GPC5: variants seen among roughly 807,000 people sequenced by gnomAD.
The protein encoded by GPC5 is glypican-5.
Under a neutral mutation model 53.9 loss-of-function variants are expected in GPC5, and 47 were observed. The ratio of observed to expected loss-of-function variants is 0.87; its 90% CI spans 0.69 to 1.11. The LOEUF is 1.11. Among genes scored for constraint, GPC5 ranks in the 50% most tolerant of loss-of-function variants. The pLI is 0.00. For missense variants in GPC5, 748 were observed against 713.1 expected (o/e 1.05, Z -0.56); for synonymous variants, 286 against 263.3 (o/e 1.09, Z -0.84).
At chr13:92,302,237 T>A (rs891198249) in intron 7 of GPC5, among the ~76,000 whole-genome samples, 4 of 152,142 alleles carry the variant, frequency 2.6e-5, no homozygotes, top group African/African-American at 9.7e-5. Flanking sequence ...GATTTTTTTT[T>A]CTCTATTATG....
chr13:91,633,763 C>G lies in GPC5; in HGVS notation c.326-59424C>G, dbSNP rs190880245. 9.9e-5 allele frequency among the ~76,000 whole-genome samples: 15 copies of G among 152,216 alleles called. 1 individual carries two copies. The highest frequency in any genetic ancestry group is 3.6e-4 in the African/African-American group (15 of 41,558). On this transcript the variant is annotated intron_variant, in intron 2 of 7. Transcript: ENST00000377067. ...GGCAAAGAATCTTCCTTTCCTTGGGCTACATGTAACCATGAGGAATGAAAT... is the reference window on the plus strand; with the variant it reads ...GGCAAAGAATCTTCCTTTCCTTGGGGTACATGTAACCATGAGGAATGAAAT...
chr13:92,781,959 A>G (rs1326724500), intron 7 of GPC5, among the ~76,000 whole-genome samples: 3 of 152,074 alleles, frequency 2.0e-5, no homozygotes, highest in Non-Finnish European at 2.9e-5. Flanking sequence ...TTCCACACCA[A>G]TTTTCAAGAA....
intron 7 of GPC5, among the ~76,000 whole-genome samples, chr13:92,491,607 A>G (rs1879764059): frequency 6.6e-6 from 1 of 152,140 alleles, no homozygotes; most frequent in South Asian, 2.1e-4. Flanking sequence ...TTATATTCAT[A>G]ATAAAATATA....
intron 7 of GPC5, chr13:92,340,726 T>C (rs1396957050): frequency 6.6e-6 from 1 of 152,152 alleles, no homozygotes; most frequent in South Asian, 2.1e-4. Flanking sequence ...CAAACGATTG[T>C]ATTGATTATA....
intron 7 of GPC5, among the ~76,000 whole-genome samples, chr13:92,843,210 C>A (rs768604705): frequency 6.6e-5 from 10 of 152,154 alleles, no homozygotes; most frequent in Non-Finnish European, 1.3e-4. Flanking sequence ...CTCTTAACCA[C>A]CCCAATTTGT....
At chr13:91,606,849 T>C (rs1453863245) in intron 2 of GPC5, among the ~76,000 whole-genome samples, 2 of 151,994 alleles carry the variant, frequency 1.3e-5, no homozygotes, top group African/African-American at 4.8e-5. Context: ...TCTCTCTTTT[T>C]TTCTTTATTA....
At chr13:91,983,037 T>C (rs1379043661) in intron 6 of GPC5, among the ~76,000 whole-genome samples, 1 of 120,770 alleles carries the variant, frequency 8.3e-6, no homozygotes, top group Non-Finnish European at 2.0e-5. Flanking sequence ...ACAACTGGAC[T>C]AAGAGCAACA....
chr13:91,933,498 T>C (rs2039841363), intron 6 of GPC5, among the ~76,000 whole-genome samples: 1 of 151,950 alleles, frequency 6.6e-6, no homozygotes. Flanking sequence ...CCTGCAAAGG[T>C]CTGGGTATTT....
chr13:91,853,603 T>C (rs2038936607), intron 5 of GPC5, among the ~76,000 whole-genome samples: 1 of 151,960 alleles, frequency 6.6e-6, no homozygotes, highest in Non-Finnish European at 1.5e-5. Flanking sequence ...GTAGTCAGAT[T>C]ATTGTCTGTA....
intron 7 of GPC5, among the ~76,000 whole-genome samples, chr13:92,677,064 TTTTA>T (rs1886965984): frequency 6.6e-6 from 1 of 152,150 alleles, no homozygotes; most frequent in Non-Finnish European, 1.5e-5. Context: ...AATTCTAAAT[TTTTA>T]TTTGTTTAAA....
Position 92,016,342 on chromosome 13 carries a change from T to C in GPC5, c.1401+108285T>C, listed in dbSNP as rs548925733. On this transcript the variant is annotated intron_variant, in intron 6 of 7. Coordinates refer to ENST00000377067, the MANE Select transcript of GPC5 (RefSeq NM_004466.6). ...TATGAAATGGGAATCGTTGTCTTTA[T>C]TCTGCAGGAAACAAATTGGAAGCTT... is the stretch of plus-strand genomic sequence containing the variant. Among the ~76,000 whole-genome samples the C allele has an allele frequency of 2.6e-5, 4 of 152,370 alleles. No homozygotes were observed. In the East Asian group the frequency reaches 7.7e-4, roughly 29 times the overall value.
intron 5 of GPC5, among the ~76,000 whole-genome samples, chr13:91,803,791 C>A (rs2138783789): frequency 7.0e-6 from 1 of 142,168 alleles, no homozygotes; most frequent in Admixed American, 7.2e-5. Context: ...GACACACACA[C>A]ACACACACAC....
At chr13:92,527,147 AG>A (rs1193428310) in intron 7 of GPC5, among the ~76,000 whole-genome samples, 1 of 128,860 alleles carries the variant, frequency 7.8e-6, no homozygotes, top group African/African-American at 2.9e-5. Context: ...AAAGAAAGAA[AG>A]AAAGAAAGAA....
intron 7 of GPC5, among the ~76,000 whole-genome samples, chr13:92,294,572 G>A (rs577920366): frequency 3.4e-4 from 51 of 152,098 alleles, no homozygotes; most frequent in African/African-American, 1.2e-3. Context: ...TTATTGAGCT[G>A]TTTTGGATTT....
intron 7 of GPC5, among the ~76,000 whole-genome samples, chr13:92,588,794 G>A (rs1883625151): frequency 6.6e-6 from 1 of 152,154 alleles, no homozygotes. Context: ...CCTGATAGAG[G>A]AGGTATTAGT....
At chr13:92,072,622 G>A (rs570507238) in intron 6 of GPC5, among the ~76,000 whole-genome samples, 6 of 148,236 alleles carry the variant, frequency 4.0e-5, no homozygotes, top group Non-Finnish European at 8.9e-5. Flanking sequence ...TGCCCAGGCT[G>A]GAGTGCACTG....
At chr13:91,920,576 A>G (rs1443045445) in intron 6 of GPC5, among the ~76,000 whole-genome samples, 3 of 152,270 alleles carry the variant, frequency 2.0e-5, no homozygotes, top group Admixed American at 2.0e-4. Context: ...GTGCCTACAC[A>G]CACACAGACA....
intron 7 of GPC5, among the ~76,000 whole-genome samples, chr13:92,661,941 C>T (rs1273193483): frequency 6.6e-6 from 1 of 152,152 alleles, no homozygotes; most frequent in Admixed American, 6.5e-5. Context: ...TCAATAACCT[C>T]TGTTTTAAAG....
chr13:91,961,396 C>A (rs1185295881), intron 6 of GPC5, among the ~76,000 whole-genome samples: 2 of 151,984 alleles, frequency 1.3e-5, no homozygotes, highest in Non-Finnish European at 2.9e-5. Flanking sequence ...GACACATTTA[C>A]AGTCACTTGA....
Sources: gnomAD v4.1 joint callset for allele counts (sites outside exome capture counted in the v4.1 genomes callset) on GRCh38, gnomAD v4.1.1 for gene constraint, MANE v1.5 for transcripts, NCBI Gene and HGNC (gene_info 2026-07-23, HGNC 2026-07-21) for gene names.